The following FRMD4A variants were observed in gnomAD, a reference collection of about 807,000 sequenced individuals.
FRMD4A encodes the protein FERM domain containing 4A.
In FRMD4A, 29 loss-of-function variants were observed where a neutral mutation model predicts 129.1. The observed-to-expected ratio is 0.22, with a 90% confidence interval of 0.17 to 0.31. The LOEUF (loss-of-function observed/expected upper bound fraction) is 0.31, where lower values mean the gene tolerates loss of function less well. FRMD4A is among the 10% of genes least tolerant of loss of function. The probability of loss-of-function intolerance (pLI) is 1.00; values close to 1 mark genes in which losing one functional copy is unlikely to be tolerated. For missense variants in FRMD4A, 1,272 were observed against 1,375.8 expected (o/e 0.92, Z 1.19); for synonymous variants, 634 against 571.6 (o/e 1.11, Z -1.56).
intron 2 of FRMD4A, among the ~76,000 whole-genome samples, chr10:14,033,507 G>A (rs761130835): frequency 1.1e-4 from 17 of 152,092 alleles, no homozygotes; most frequent in Non-Finnish European, 1.5e-4. Flanking sequence ...GTGATAGGCC[G>A]GGCATGGTGG....
chr10:13,785,545 T>C (rs2092832541), intron 5 of FRMD4A, among the ~76,000 whole-genome samples: 1 of 152,238 alleles, frequency 6.6e-6, no homozygotes, highest in South Asian at 2.1e-4. Flanking sequence ...AAATTTTACA[T>C]CTCAAAGCAA....
At chr10:14,197,275 T>TA (rs1252805713) in intron 2 of FRMD4A, among the ~76,000 whole-genome samples, 14 of 152,246 alleles carry the variant, frequency 9.2e-5, no homozygotes, top group African/African-American at 3.1e-4. Context: ...AACCACGTGA[T>TA]AACTTTTAAG....
At chr10:13,838,910 T>C (rs2093919448) in intron 3 of FRMD4A, among the ~76,000 whole-genome samples, 1 of 151,954 alleles carries the variant, frequency 6.6e-6, no homozygotes, top group Non-Finnish European at 1.5e-5. Context: ...AACCAGGACA[T>C]TGAATAAAAA....
At chr10:14,202,070 G>A in intron 2 of FRMD4A, among the ~76,000 whole-genome samples, 1 of 152,258 alleles carries the variant, frequency 6.6e-6, no homozygotes, top group Middle Eastern at 3.4e-3. Flanking sequence ...CCCGGGAGGG[G>A]GAGGTTGCAG....
At chr10:14,181,123 A>G (rs1283428997) in intron 2 of FRMD4A, among the ~76,000 whole-genome samples, 1 of 152,202 alleles carries the variant, frequency 6.6e-6, no homozygotes, top group East Asian at 1.9e-4. Context: ...TGCCTTTCCG[A>G]AAAAGTGTCT....
intron 2 of FRMD4A, among the ~76,000 whole-genome samples, chr10:13,867,931 T>C (rs1409537581): frequency 2.1e-5 from 3 of 143,102 alleles, no homozygotes; most frequent in East Asian, 3.9e-4. Context: ...TAATAAATAA[T>C]ATATATATAA....
chr10:13,723,950 A>G (rs12359348), intron 12 of FRMD4A, among the ~76,000 whole-genome samples: 49,164 of 152,122 alleles, frequency 0.32, 9,118 homozygotes, highest in East Asian at 0.49. Flanking sequence ...TGGACACTCT[A>G]ATTTCTTAAT....
chr10:13,871,424 A>G (rs1014826648), intron 2 of FRMD4A, among the ~76,000 whole-genome samples: 2 of 152,318 alleles, frequency 1.3e-5, no homozygotes, highest in African/African-American at 4.8e-5. Flanking sequence ...TTTAAAAAAA[A>G]TCTGACAAGT....
chr10:14,082,183 G>C (rs996330840), intron 2 of FRMD4A, among the ~76,000 whole-genome samples: 1 of 152,126 alleles, frequency 6.6e-6, no homozygotes, highest in African/African-American at 2.4e-5. Context: ...GGAGGCAGAG[G>C]TTGCAGTGAG....
chr10:13,711,838 C>T (rs2088053737), intron 12 of FRMD4A: 1 of 152,174 alleles, frequency 6.6e-6, no homozygotes. Flanking sequence ...TAAGGCCACA[C>T]AGCAAGTAAG....
chr10:13,831,335 CA>C (rs1215182144), intron 3 of FRMD4A, among the ~76,000 whole-genome samples: 6 of 152,180 alleles, frequency 3.9e-5, no homozygotes, highest in Non-Finnish European at 8.8e-5. Flanking sequence ...GAGGTCTCAG[CA>C]CTTTGGGAAG....
Position 14,330,189 on chromosome 10 carries a change from G to C in FRMD4A, c.-81-6C>G, listed in dbSNP as rs772478000. 7 of 1,395,974 alleles carry C rather than the reference G, an allele frequency of 5.0e-6. No homozygotes were observed. The highest frequency in any genetic ancestry group is 6.9e-6 in the Non-Finnish European group (7 of 1,011,146). The allele number at this position is 1,395,974 out of a possible 1,614,324, so 86.5% of individuals were successfully genotyped here. A position where few individuals can be genotyped will look rare whatever the true frequency, so the allele number is the denominator to read the frequency against. ...TACAGAGCATCCAAAAGCACCTGCAGAAAAAGCAGCCAAAATCCAGACTTA... is the reference window on the plus strand; with the variant it reads ...TACAGAGCATCCAAAAGCACCTGCACAAAAAGCAGCCAAAATCCAGACTTA... On this transcript the variant is annotated splice_region_variant and splice_polypyrimidine_tract_variant and intron_variant, in intron 1 of 24. Transcript: ENST00000357447.
At chr10:13,691,778 C>T (rs1022622757) in intron 15 of FRMD4A, among the ~76,000 whole-genome samples, 1 of 152,164 alleles carries the variant, frequency 6.6e-6, no homozygotes, top group Non-Finnish European at 1.5e-5. Context: ...CAGCCTCTCT[C>T]ATCTGACACT....
At chr10:13,774,556 G>A (rs955840550) in intron 6 of FRMD4A, among the ~76,000 whole-genome samples, 1 of 152,196 alleles carries the variant, frequency 6.6e-6, no homozygotes, top group Non-Finnish European at 1.5e-5. Context: ...AGGCAGGAAG[G>A]GAAGGGTTTT....
At chr10:13,655,650 T>A (rs1392372934) in intron 22 of FRMD4A, 2 of 152,154 alleles carry the variant, frequency 1.3e-5, no homozygotes, top group Non-Finnish European at 2.9e-5. Flanking sequence ...GCACCAAGAA[T>A]CTCCTACAGT....
At chr10:14,256,077 A>T (rs1306665186) in intron 2 of FRMD4A, among the ~76,000 whole-genome samples, 1 of 152,116 alleles carries the variant, frequency 6.6e-6, no homozygotes, top group East Asian at 1.9e-4. Flanking sequence ...TTAATAAGCA[A>T]TTTTAGTAAC....
In FRMD4A at chr10:13,741,734, G is replaced by C. The variant is rs1050251513; in HGVS notation, c.549-1157C>G. Among the ~76,000 whole-genome samples, 8 of 152,308 alleles carry C rather than the reference G, an allele frequency of 5.3e-5. No homozygotes were observed. In the South Asian group the frequency reaches 1.7e-3, roughly 32 times the overall value. The stretch of plus-strand genomic sequence containing the variant: ...GCTTTCCAGGAGGATGGAATGTTCT[G>C]GAATTTGGGCTTGGTTAATATGAAC... On this transcript the variant is annotated intron_variant, in intron 9 of 24. Transcript: ENST00000357447.
intron 2 of FRMD4A, among the ~76,000 whole-genome samples, chr10:14,202,332 T>C (rs1328829446): frequency 6.6e-6 from 1 of 152,206 alleles, no homozygotes; most frequent in East Asian, 1.9e-4. Context: ...AAAGCCTCTT[T>C]GGAGGGTCTG....
In FRMD4A at chr10:13,823,908, C is replaced by T. The variant is rs990921802; in HGVS notation, c.112-13000G>A. On this transcript the variant is annotated intron_variant, in intron 3 of 24. Coordinates refer to ENST00000357447, the MANE Select transcript of FRMD4A (RefSeq NM_018027.5). ...AGGGACCAGCCACTTGCTACTTTTC[C>T]AGTGTAACGGACGGAAGGTGTGGCT... Among the ~76,000 whole-genome samples, 3 of 152,198 alleles carry T rather than the reference C, an allele frequency of 2.0e-5. No individual in the cohort carries two copies. The East Asian group carries it at 5.8e-4, about 29-fold the overall frequency.
Sources: allele counts gnomAD v4.1 joint callset (sites outside exome capture counted in the v4.1 genomes callset), GRCh38; gene constraint gnomAD v4.1.1; transcripts MANE v1.5; gene names NCBI Gene and HGNC (gene_info 2026-07-23, HGNC 2026-07-21).